Variants in INTS4 observed in about 807,000 individuals in gnomAD.
INTS4 encodes MSTP093.
INTS4 carries 70 observed loss-of-function variants against 119.5 expected under a neutral mutation model. The observed-to-expected ratio is 0.59, with a 90% CI of 0.48 to 0.71. The LOEUF (loss-of-function observed/expected upper bound fraction) is 0.71, where lower values mean the gene tolerates loss of function less well. Ranked by LOEUF, INTS4 falls within the 30% of genes least tolerant of loss-of-function variation. The probability of loss-of-function intolerance (pLI) is 0.00; values close to 1 mark genes in which losing one functional copy is unlikely to be tolerated. For synonymous variants in INTS4, 316 were observed against 419.6 expected, an observed-to-expected ratio of 0.75 and a Z score of 3.02; for missense variants, 867 against 1,173.2, an observed-to-expected ratio of 0.74 and a Z score of 3.81.
chr11:77,950,148 A>G (rs1345067622), intron 8 of INTS4, among the ~76,000 whole-genome samples: 2 of 152,114 alleles, frequency 1.3e-5, no homozygotes, highest in Non-Finnish European at 2.9e-5. Flanking sequence ...GTTCTCACTC[A>G]TAAGTGAGAG....
intron 10 of INTS4, among the ~76,000 whole-genome samples, chr11:77,933,105 TA>T (rs895468252): frequency 6.6e-6 from 1 of 151,904 alleles, no homozygotes; most frequent in South Asian, 2.1e-4. Flanking sequence ...CTCAAAAGTA[TA>T]AAAAAAAGTA....
downstream of INTS4, among the ~76,000 whole-genome samples, chr11:77,877,344 C>A (rs1272440722): frequency 6.6e-6 from 1 of 152,190 alleles, no homozygotes; most frequent in African/African-American, 2.4e-5. Flanking sequence ...AATTTAAATT[C>A]CAGCTCCACC....
intron 22 of INTS4, among the ~76,000 whole-genome samples, chr11:77,880,433 C>G (rs1452946768): frequency 1.3e-5 from 2 of 152,308 alleles, no homozygotes; most frequent in East Asian, 1.9e-4. Context: ...CATCAAGTAC[C>G]AGCCATGTGA....
intron 8 of INTS4, among the ~76,000 whole-genome samples, chr11:77,951,002 C>T (rs566872636): frequency 9.2e-5 from 14 of 151,644 alleles, no homozygotes; most frequent in African/African-American, 3.4e-4. Context: ...TGATAGTTTG[C>T]TGAGAATGAT....
At chr11:77,959,927 CT>C (rs1291055471) in intron 6 of INTS4, among the ~76,000 whole-genome samples, 1 of 151,316 alleles carries the variant, frequency 6.6e-6, no homozygotes, top group Non-Finnish European at 1.5e-5. Flanking sequence ...ATGCATGTGA[CT>C]TTTTTTTTAT....
rs531494516 is a variant in INTS4, at chr11:77,920,447, G to C, written c.1764+893C>G. ...ACGAAGTGTTTGCTATTATTATTAT[G>C]ATCTATTTTTAAATTTTCTTCTATA... On this transcript the variant is annotated intron_variant, in intron 14 of 22. Coordinates refer to ENST00000534064, the MANE Select transcript of INTS4 (RefSeq NM_033547.4). 1.3e-3 allele frequency among the ~76,000 whole-genome samples: 196 copies of C among 151,770 alleles called. 1 individual carries two copies. The highest frequency in any genetic ancestry group is 4.6e-3 in the African/African-American group (190 of 41,446).
At chr11:77,884,162 T>C (rs1002577901) in intron 21 of INTS4, among the ~76,000 whole-genome samples, 3 of 152,144 alleles carry the variant, frequency 2.0e-5, no homozygotes, top group Admixed American at 1.3e-4. Flanking sequence ...CCTGAATTCA[T>C]GGTGAATAAG....
intron 4 of INTS4, among the ~76,000 whole-genome samples, chr11:77,972,760 T>C (rs777691150): frequency 3.3e-5 from 5 of 151,990 alleles, no homozygotes; most frequent in Admixed American, 6.6e-5. Flanking sequence ...TCTATCTTCA[T>C]ATAGTACCAT....
At chr11:77,901,798 A>G (rs1952786062) in intron 17 of INTS4, among the ~76,000 whole-genome samples, 1 of 151,924 alleles carries the variant, frequency 6.6e-6, no homozygotes, top group Non-Finnish European at 1.5e-5. Flanking sequence ...AAGATAAGAA[A>G]GTTTAATCAC....
intron 16 of INTS4, among the ~76,000 whole-genome samples, chr11:77,904,158 A>ATC (rs1183867915): frequency 1.3e-4 from 20 of 152,094 alleles, no homozygotes; most frequent in Non-Finnish European, 2.1e-4. Flanking sequence ...TTTACCTTCC[A>ATC]TCTCTCTCCT....
downstream of INTS4, among the ~76,000 whole-genome samples, chr11:77,876,102 G>A (rs1484428035): frequency 1.3e-5 from 2 of 152,106 alleles, no homozygotes; most frequent in African/African-American, 4.8e-5. Context: ...ATAAGAAGAG[G>A]ACTAAGAAAC....
intron 19 of INTS4, among the ~76,000 whole-genome samples, chr11:77,892,386 A>G (rs1952312251): frequency 6.6e-6 from 1 of 152,168 alleles, no homozygotes; most frequent in Non-Finnish European, 1.5e-5. Flanking sequence ...GTCAAAAAAT[A>G]TCTCACTGAG....
chr11:77,972,246 A>ACAC (rs1033899565), intron 4 of INTS4, among the ~76,000 whole-genome samples: 4 of 151,974 alleles, frequency 2.6e-5, no homozygotes, highest in African/African-American at 4.8e-5. Flanking sequence ...CTACAGGCAC[A>ACAC]CACCACCATT....
At chr11:77,943,274 A>G (rs1953971773) in intron 8 of INTS4, among the ~76,000 whole-genome samples, 1 of 152,192 alleles carries the variant, frequency 6.6e-6, no homozygotes, top group Admixed American at 6.5e-5. Context: ...TAAATTTTCA[A>G]TGTCACCTAA....
At chr11:77,929,349 G>A (rs1339564461) in intron 10 of INTS4, among the ~76,000 whole-genome samples, 1 of 151,974 alleles carries the variant, frequency 6.6e-6, no homozygotes, top group African/African-American at 2.4e-5. Flanking sequence ...CCTTAACGTC[G>A]ATCTAAGAAC....
chr11:77,944,137 T>C (rs1236535885), intron 8 of INTS4, among the ~76,000 whole-genome samples: 2 of 152,202 alleles, frequency 1.3e-5, no homozygotes, highest in African/African-American at 2.4e-5. Context: ...CTCTTTTACA[T>C]GGTTTTGAAT....
chr11:77,881,822 CTA>C (rs1298815469), intron 22 of INTS4, among the ~76,000 whole-genome samples: 1 of 151,860 alleles, frequency 6.6e-6, no homozygotes, highest in African/African-American at 2.4e-5. Context: ...CCAGTACGCA[CTA>C]TATATAAACA....
At chr11:77,970,301 A>G (rs1855673749) in intron 4 of INTS4, among the ~76,000 whole-genome samples, 1 of 152,166 alleles carries the variant, frequency 6.6e-6, no homozygotes, top group Admixed American at 6.5e-5. Flanking sequence ...CAGGAGGCTG[A>G]GGCAGGAGAA....
At chr11:77,882,096 T>C (rs912014994) in intron 22 of INTS4, among the ~76,000 whole-genome samples, 1 of 151,956 alleles carries the variant, frequency 6.6e-6, no homozygotes, top group African/African-American at 2.4e-5. Context: ...ATATATCTAT[T>C]GTAGAGATAG....
Sources: allele counts gnomAD v4.1 joint callset (sites outside exome capture counted in the v4.1 genomes callset), GRCh38; gene constraint gnomAD v4.1.1; transcripts MANE v1.5; gene names NCBI Gene and HGNC (gene_info 2026-07-23, HGNC 2026-07-21).